The following RBFOX1 variants were observed in gnomAD, a reference collection of about 807,000 sequenced individuals.
RBFOX1 encodes the protein RNA binding protein fox-1 homolog 1.
A neutral mutation model predicts 57.7 loss-of-function variants in RBFOX1; 8 were observed. That is an observed-to-expected ratio of 0.14 (90% CI 0.08 to 0.25). RBFOX1 has a LOEUF of 0.25. RBFOX1 is among the 10% of genes least tolerant of loss of function. RBFOX1 has a pLI of 1.00. For missense variants in RBFOX1, 611 were observed against 548.5 expected (o/e 1.11, Z -1.14); for synonymous variants, 326 against 222.4 (o/e 1.47, Z -4.15).
chr16:7,671,914 G>C (rs1358679702), intron 13 of RBFOX1, among the ~76,000 whole-genome samples: 1 of 152,154 alleles, frequency 6.6e-6, no homozygotes, highest in Non-Finnish European at 1.5e-5. Flanking sequence ...GGTCTAGCTT[G>C]GCTGTTAATT....
intron 1 of RBFOX1, among the ~76,000 whole-genome samples, chr16:6,248,521 C>T (rs902483106): frequency 2.0e-5 from 3 of 152,136 alleles, no homozygotes; most frequent in Admixed American, 6.5e-5. Context: ...GCAGGATGCT[C>T]ATTGTCATGG....
chr16:5,781,131 C>T (rs1188869011), intron 3 of RBFOX1, among the ~76,000 whole-genome samples: 1 of 152,108 alleles, frequency 6.6e-6, no homozygotes, highest in Non-Finnish European at 1.5e-5. Context: ...GATAACCTGC[C>T]GAACAGTCAC....
rs187258860 is a variant in RBFOX1, at chr16:7,701,579, G to A, written c.996-7477G>A. 1.7e-4 allele frequency among the ~76,000 whole-genome samples: 26 copies of A among 152,268 alleles called. 1 individual carries two copies. Among genetic ancestry groups the A allele is most frequent in the Non-Finnish European group, 3.1e-4 (21 of 68,018 alleles). On this transcript the variant is annotated intron_variant, in intron 14 of 15. Coordinates refer to ENST00000550418, the MANE Select transcript of RBFOX1 (RefSeq NM_018723.4). ...GTCTTCTACAAAACTGGTCCCTGGTGCCAAGAAGGCCAGGGACTTCTCCTC... is the reference window on the plus strand; with the variant it reads ...GTCTTCTACAAAACTGGTCCCTGGTACCAAGAAGGCCAGGGACTTCTCCTC...
chr16:5,506,498 G>A (rs982967838), intron 2 of RBFOX1, among the ~76,000 whole-genome samples: 1 of 152,180 alleles, frequency 6.6e-6, no homozygotes, highest in Non-Finnish European at 1.5e-5. Context: ...AGTGCAAAAT[G>A]AATATAAATA....
At chr16:6,025,316 T>G (rs990925608) in intron 1 of RBFOX1, among the ~76,000 whole-genome samples, 1 of 152,204 alleles carries the variant, frequency 6.6e-6, no homozygotes, top group Non-Finnish European at 1.5e-5. Context: ...CACCACCTAC[T>G]TCGTAGGGCT....
intron 14 of RBFOX1, among the ~76,000 whole-genome samples, chr16:7,704,243 A>C (rs2081685664): frequency 6.6e-6 from 1 of 152,212 alleles, no homozygotes; most frequent in African/African-American, 2.4e-5. Context: ...CAAAAAGATG[A>C]GGTCTCATGA....
At position 7,435,387 on chromosome 16, in the gene RBFOX1, A is replaced by G. The variant is rs184535643; in HGVS notation, c.28-82760A>G. Among the ~76,000 whole-genome samples the G allele has an allele frequency of 1.9e-3, 288 of 152,094 alleles. 1 individual carries two copies. Among genetic ancestry groups the G allele is most frequent in the African/African-American group, 6.8e-3 (281 of 41,504 alleles). The stretch of plus-strand genomic sequence containing the variant: ...GTATCACACCATGTCAGTGGTACAT[A>G]TTATGAAAATGACTTATCGCTGTTG... On this transcript the variant is annotated intron_variant, in intron 4 of 15. Transcript: ENST00000550418.
chr16:6,008,865 G>A (rs2094942974), intron 4 of RBFOX1, among the ~76,000 whole-genome samples: 1 of 152,144 alleles, frequency 6.6e-6, no homozygotes, highest in African/African-American at 2.4e-5. Flanking sequence ...ACGGAATAAT[G>A]GCAAGCAAGC....
At chr16:5,445,771 T>C (rs533130360) in intron 1 of RBFOX1, among the ~76,000 whole-genome samples, 1 of 152,342 alleles carries the variant, frequency 6.6e-6, no homozygotes, top group East Asian at 1.9e-4. Flanking sequence ...GCCACTAAAT[T>C]TTTCTAGATG....
intron 6 of RBFOX1, among the ~76,000 whole-genome samples, chr16:7,583,454 C>T (rs114170414): frequency 0.015 from 2,228 of 152,182 alleles, 64 homozygotes; most frequent in African/African-American, 0.05. Context: ...AAATTAATTG[C>T]GATATATTGC....
chr16:7,155,730 T>TACACACACAC (rs1387441093), intron 4 of RBFOX1, among the ~76,000 whole-genome samples: 12 of 82,032 alleles, frequency 1.5e-4, no homozygotes, highest in African/African-American at 7.5e-4. Flanking sequence ...TATATATATA[T>TACACACACAC]ATATATATAC....
intron 2 of RBFOX1, among the ~76,000 whole-genome samples, chr16:6,484,925 CCT>C (rs1364920854): frequency 4.6e-5 from 7 of 152,106 alleles, no homozygotes; most frequent in Non-Finnish European, 1.0e-4. Context: ...ATTGTGTAAT[CCT>C]CTCTTTAGTA....
At chr16:5,987,709 A>G (rs2060309684) in intron 4 of RBFOX1, among the ~76,000 whole-genome samples, 1 of 152,158 alleles carries the variant, frequency 6.6e-6, no homozygotes. Flanking sequence ...GCAAGGCCCC[A>G]TCTCCAGCTC....
intron 3 of RBFOX1, among the ~76,000 whole-genome samples, chr16:5,630,414 G>A (rs1370478488): frequency 3.3e-5 from 5 of 151,938 alleles, no homozygotes; most frequent in Non-Finnish European, 5.9e-5. Flanking sequence ...CCAAGACCAC[G>A]CTATTGCACT....
chr16:5,879,610 G>T (rs922788187), intron 4 of RBFOX1, among the ~76,000 whole-genome samples: 2 of 152,170 alleles, frequency 1.3e-5, no homozygotes, highest in African/African-American at 2.4e-5. Context: ...GATTATAGGC[G>T]TGAGCCACCA....
At chr16:6,458,853 C>G (rs1278180276) in intron 2 of RBFOX1, among the ~76,000 whole-genome samples, 2 of 152,166 alleles carry the variant, frequency 1.3e-5, no homozygotes, top group African/African-American at 4.8e-5. Flanking sequence ...ATACTTGATT[C>G]CAGTTGTGTT....
At position 7,712,361 on chromosome 16, in the gene RBFOX1, G is replaced by GT. The variant is rs1378234908; in HGVS notation, c.*1617dup. 6.6e-6 allele frequency: 1 copy of GT among 152,528 alleles called. No homozygotes were observed. Among genetic ancestry groups the GT allele is most frequent in the African/African-American group, 2.4e-5 (1 of 41,384 alleles). 9.4% of individuals were successfully genotyped at this position (152,528 alleles called of 1,614,324 possible). On this transcript the variant is annotated 3_prime_UTR_variant, in exon 16 of 16. Transcript: ENST00000550418. ...ACCGCTGTGAACCTGCCAATCCGCT[G>GT]TAACAACTCTGCTTTAAAACAAAAC...
At chr16:7,071,778 A>G (rs1027926477) in intron 4 of RBFOX1, among the ~76,000 whole-genome samples, 5 of 152,066 alleles carry the variant, frequency 3.3e-5, no homozygotes, top group Admixed American at 3.3e-4. Context: ...TAAACTTCAT[A>G]TACCCAAATT....
At chr16:6,400,351 T>C (rs568065200) in intron 2 of RBFOX1, among the ~76,000 whole-genome samples, 1 of 152,178 alleles carries the variant, frequency 6.6e-6, no homozygotes, top group South Asian at 2.1e-4. Context: ...TCTAAATGAC[T>C]CTCACATTAA....
Sources: gnomAD v4.1 joint callset for allele counts (sites outside exome capture counted in the v4.1 genomes callset) on GRCh38, gnomAD v4.1.1 for gene constraint, MANE v1.5 for transcripts, NCBI Gene and HGNC (gene_info 2026-07-23, HGNC 2026-07-21) for gene names.